MSH6: variants seen among roughly 807,000 people sequenced by gnomAD.
The protein encoded by MSH6 is DNA mismatch repair protein Msh6.
A neutral mutation model predicts 119.1 loss-of-function variants in MSH6; 85 were observed. The observed-to-expected ratio is 0.71, with a 90% CI of 0.60 to 0.85. MSH6 has a LOEUF of 0.85. Among genes scored for constraint, MSH6 ranks in the 40% least tolerant of loss-of-function variants. The pLI is 0.00. For missense variants in MSH6, 2,163 were observed against 1,655.3 expected, an observed-to-expected ratio of 1.31 and a Z score of -5.32; for synonymous variants, 830 against 586.9, an observed-to-expected ratio of 1.41 and a Z score of -5.99.
At chr2:47,808,441 G>C, downstream of MSH6, 1 of 1,565,850 alleles carries the variant, frequency 6.4e-7, no homozygotes, top group Non-Finnish European at 8.6e-7. Context: ...AAAAGCAAAA[G>C]CTTAAATTAC....
chr2:47,803,167 C>G (rs1029120635), intron 4 of MSH6, among the ~76,000 whole-genome samples: 10 of 152,212 alleles, frequency 6.6e-5, no homozygotes, highest in African/African-American at 2.4e-4. Context: ...CTCTGCCCGC[C>G]TAGGCCTCCT....
In MSH6 at chr2:47,783,353, C is replaced by T. The variant is rs777101467; in HGVS notation, c.120C>T (p.Ala40=). The change falls in exon 1 of 10, where the codon GCC becomes GCT. Residue 40 remains alanine (A), a synonymous_variant. Coordinates refer to ENST00000234420, the MANE Select transcript of MSH6 (RefSeq NM_000179.3). ...GCCGTGCCGCCGCTGCCCCCGGGGC[C>T]TCTCCTTCCCCAGGCGGGGATGCGG... ...EGGRAAAAPG[A]SPSPGGDAAW... is the part of the protein sequence containing the mutation. 2 of 1,607,914 alleles carry T rather than the reference C, an allele frequency of 1.2e-6. No individual in the cohort carries two copies. The highest frequency in any genetic ancestry group is 1.7e-6 in the Non-Finnish European group (2 of 1,177,642).
At chr2:47,789,755 A>C (rs987169647) in intron 1 of MSH6, among the ~76,000 whole-genome samples, 1 of 152,210 alleles carries the variant, frequency 6.6e-6, no homozygotes, top group African/African-American at 2.4e-5. Context: ...TCTCTAGATT[A>C]CGTACAATAC....
chr2:47,797,160 T>C (rs1276135720), intron 3 of MSH6, among the ~76,000 whole-genome samples: 4 of 152,242 alleles, frequency 2.6e-5, no homozygotes, highest in Middle Eastern at 3.2e-3. Flanking sequence ...GTGTATTTTA[T>C]GTGTGGCCTA....
In MSH6 at chr2:47,799,722, C is replaced by G. The variant is rs41295270; in HGVS notation, c.1739C>G (p.Ser580Trp). The change falls in exon 4 of 10, where the codon TCG becomes TGG. Residue 580 changes from serine (S) to tryptophan (W), a missense_variant. Physicochemically the swap from Ser to Trp is radical, Grantham distance 177. Coordinates refer to ENST00000234420, the MANE Select transcript of MSH6 (RefSeq NM_000179.3). ...CAGTTTTCAGATGATCGCCATTGTT[C>G]GAGATTTAGGACTCTAGTGGCACAC... ...IGQFSDDRHC[S>W]RFRTLVAHYP... 6.2e-7 allele frequency: 1 copy of G among 1,614,078 alleles called. No homozygotes were observed. Among genetic ancestry groups the G allele is most frequent in the African/African-American group, 1.3e-5 (1 of 75,000 alleles).
In MSH6 at chr2:47,800,107, A is replaced by C. The variant is rs781730324; in HGVS notation, c.2124A>C (p.Glu708Asp). The change falls in exon 4 of 10, where the codon GAA becomes GAC. Residue 708 changes from glutamate (E) to aspartate (D), a missense_variant. By Grantham distance (45) the Glu-to-Asp change is conservative. Transcript: ENST00000234420. ...QELLSMANFE[E>D]YIPLDSDTVS... The stretch of plus-strand genomic sequence containing the variant: ...TTTTATCAATGGCTAATTTTGAAGA[A>C]TATATTCCCTTGGATTCTGACACAG... 1 of 1,614,192 alleles carries C rather than the reference A, an allele frequency of 6.2e-7. No homozygotes were observed. Among genetic ancestry groups the C allele is most frequent in the African/African-American group, 1.3e-5 (1 of 75,056 alleles).
chr2:47,809,031 T>C (rs1003719726), downstream of MSH6: 12 of 593,148 alleles, frequency 2.0e-5, no homozygotes, highest in East Asian at 3.0e-5. Context: ...TTCAAGTAGA[T>C]TGATGATAAA....
chr2:47,789,264 A>G, intron 1 of MSH6: 1 of 312,762 alleles, frequency 3.2e-6, no homozygotes, highest in Non-Finnish European at 6.6e-6. Flanking sequence ...TATGTGTCAG[A>G]TTCTGTAAGT....
intron 4 of MSH6, chr2:47,801,372 T>TTTG (rs1669584431): frequency 8.4e-6 from 4 of 473,576 alleles, no homozygotes; most frequent in Admixed American, 4.1e-5. Context: ...TTTTTTTTTT[T>TTTG]TTTTTTTTTT....
chr2:47,802,082 A>G (rs1194895889), intron 4 of MSH6, among the ~76,000 whole-genome samples: 3 of 152,250 alleles, frequency 2.0e-5, no homozygotes, highest in African/African-American at 7.2e-5. Context: ...CTGTTGATCC[A>G]ACATTTAAAA....
intron 2 of MSH6, among the ~76,000 whole-genome samples, chr2:47,794,367 G>T (rs1383489923): frequency 1.3e-5 from 2 of 151,994 alleles, no homozygotes; most frequent in South Asian, 4.2e-4. Context: ...TGTCTCCGGG[G>T]TTCAAGTGAT....
At position 47,806,517 on chromosome 2, in the gene MSH6, C is replaced by A. The variant is rs878853740; in HGVS notation, c.3867C>A (p.Phe1289Leu). 2.5e-6 allele frequency: 4 copies of A among 1,613,918 alleles called. No individual in the cohort carries two copies. The highest frequency in any genetic ancestry group is 3.4e-6 in the Non-Finnish European group (4 of 1,179,946). Residue 1289 changes from phenylalanine (F) to leucine (L), a missense_variant, in exon 9 of 10, where the codon TTC (phenylalanine) becomes TTA (leucine). Transcript: ENST00000234420. The part of the protein sequence containing the change: ...SQETITFLYK[F>L]IKGACPKSYG... ...AGACTATTACGTTCCTCTATAAATT[C>A]ATTAAGGGAGCTTGTCCTAAAAGCT...
chr2:47,789,905 T>G (rs1049694963), intron 1 of MSH6, among the ~76,000 whole-genome samples: 1 of 152,044 alleles, frequency 6.6e-6, no homozygotes, highest in African/African-American at 2.4e-5. Context: ...TCACTGCACC[T>G]TTAACCTCCC....
At position 47,806,828 on chromosome 2, in the gene MSH6, C is replaced by T. The variant is rs1558395737; in HGVS notation, c.4051C>T (p.His1351Tyr). 1 of 1,610,990 alleles carries T rather than the reference C, an allele frequency of 6.2e-7. No individual in the cohort carries two copies. The highest frequency in any genetic ancestry group is 1.1e-5 in the South Asian group (1 of 90,840). ...GTCAACTGTAGATGCTGAAGCTGTCCATAAATTGCTGACTTTGATTAAGGA... is the reference window on the plus strand; with the variant it reads ...GTCAACTGTAGATGCTGAAGCTGTCTATAAATTGCTGACTTTGATTAAGGA... ...ERSTVDAEAV[H>Y]KLLTLIKEL is the part of the protein sequence containing the mutation. The change falls in exon 10 of 10, where the codon CAT (histidine) becomes TAT (tyrosine). Residue 1351 changes from histidine to tyrosine, a missense_variant. Transcript: ENST00000234420.
At position 47,805,633 on chromosome 2, in the gene MSH6, T is replaced by C. The variant is rs1420669902; in HGVS notation, c.3572T>C (p.Phe1191Ser). The change falls in exon 7 of 10, where the codon TTT (phenylalanine) becomes TCT (serine). Residue 1191 changes from phenylalanine to serine, a missense_variant. By Grantham distance (155) the Phe-to-Ser change is radical. Transcript: ENST00000234420. ...DRIMSGESTFFVELSETASIL... is the reference protein window; with the variant it reads ...DRIMSGESTFSVELSETASIL... ...TTTTTTTAAGGTGAAAGTACATTTT[T>C]TGTTGAATTAAGTGAAACTGCCAGC... 6.2e-7 allele frequency: 1 copy of C among 1,613,230 alleles called. No homozygotes were observed. The highest frequency in any genetic ancestry group is 1.1e-5 in the South Asian group (1 of 91,030).
At chr2:47,805,759 A>T (rs2104528676) in intron 7 of MSH6, 52 bp downstream of exon 7, 3 of 1,296,020 alleles carry the variant, frequency 2.3e-6, no homozygotes, top group South Asian at 2.4e-5. Flanking sequence ...AAACATTTGT[A>T]CAAATAACTA....
chr2:47,789,678 G>C (rs532337310), intron 1 of MSH6, among the ~76,000 whole-genome samples: 1 of 152,102 alleles, frequency 6.6e-6, no homozygotes, highest in Non-Finnish European at 1.5e-5. Flanking sequence ...CAAATCCTTG[G>C]ATGTCCAAGT....
chr2:47,803,775 A>T, intron 5 of MSH6, 90 bp downstream of exon 5: 1 of 1,509,000 alleles, frequency 6.6e-7, no homozygotes, highest in Non-Finnish European at 9.2e-7. Flanking sequence ...ACACAGTTAC[A>T]TAAAAGTCAG....
chr2:47,804,942 T>C lies in MSH6; in HGVS notation c.3471T>C (p.Gly1157=). 1 of 1,614,136 alleles carries C rather than the reference T, an allele frequency of 6.2e-7. No individual in the cohort carries two copies. Among genetic ancestry groups the C allele is most frequent in the Admixed American group, 1.7e-5 (1 of 60,010 alleles). Residue 1157 remains glycine (G), a synonymous_variant, in exon 6 of 10, where the codon GGT becomes GGC. Coordinates refer to ENST00000234420, the MANE Select transcript of MSH6 (RefSeq NM_000179.3). ...TATTAGCTGTAATGGCCCAGATGGG[T>C]TGTTACGTCCCTGCTGAAGTGTGCA... ...AGLLAVMAQM[G]CYVPAEVCRL...
Sources: gnomAD v4.1 joint callset for allele counts (sites outside exome capture counted in the v4.1 genomes callset) on GRCh38, gnomAD v4.1.1 for gene constraint, MANE v1.5 for transcripts, NCBI Gene and HGNC (gene_info 2026-07-23, HGNC 2026-07-21) for gene names.